The following STK32A variants were observed in gnomAD, a reference collection of about 807,000 sequenced individuals.
STK32A encodes serine/threonine kinase 32A, also known as serine/threonine-protein kinase 32A.
In STK32A, 41 loss-of-function variants were observed where a neutral mutation model predicts 53.2. The observed-to-expected ratio is 0.77, with a 90% CI of 0.60 to 1.00. STK32A has a LOEUF of 1.00. Among genes scored for constraint, STK32A ranks in the 50% least tolerant of loss-of-function variants. The pLI, the probability that STK32A is intolerant of heterozygous loss-of-function variation, is 0.00. For synonymous variants in STK32A, 166 were observed against 162.8 expected (o/e 1.02, Z -0.15); for missense variants, 458 against 485.8 (o/e 0.94, Z 0.54).
At chr5:147,282,323 G>A (rs974185051) in intron 4 of STK32A, among the ~76,000 whole-genome samples, 2 of 152,176 alleles carry the variant, frequency 1.3e-5, no homozygotes, top group Non-Finnish European at 2.9e-5. Flanking sequence ...ACCCCCACTG[G>A]AGAAGCTGAA....
intron 7 of STK32A, among the ~76,000 whole-genome samples, chr5:147,355,539 G>C (rs765462860): frequency 6.6e-6 from 1 of 151,932 alleles, no homozygotes; most frequent in East Asian, 1.9e-4. Context: ...TTAGCCGGGC[G>C]TGGTGGCAGG....
intron 2 of STK32A, among the ~76,000 whole-genome samples, chr5:147,262,787 G>C (rs574087062): frequency 5.3e-5 from 8 of 152,108 alleles, no homozygotes; most frequent in African/African-American, 9.7e-5. Context: ...AGGAGACAGA[G>C]AACTAGAAGC....
chr5:147,264,052 A>T (rs186532435), intron 2 of STK32A, among the ~76,000 whole-genome samples: 97 of 152,382 alleles, frequency 6.4e-4, no homozygotes, highest in Non-Finnish European at 1.6e-4. Flanking sequence ...TCTGAAGGAA[A>T]CAATTTCCAA....
intron 7 of STK32A, among the ~76,000 whole-genome samples, chr5:147,357,385 T>C (rs1475534943): frequency 6.6e-6 from 1 of 152,098 alleles, no homozygotes; most frequent in East Asian, 1.9e-4. Flanking sequence ...ACTTCTTTTG[T>C]CAATTGCCTG....
rs752209883 is a variant in STK32A, at chr5:147,361,516, G to A, written c.563-1G>A. On this transcript the variant is annotated splice_acceptor_variant, in intron 7 of 12. Transcript: ENST00000397936. LOFTEE classifies it high-confidence loss of function. ...CTGGTTTAATTTTTCGTGTTTTTCA[G>A]CACCTGAGATGTTCAGCTCCAGAAA... The A allele has an allele frequency of 1.9e-6, 3 of 1,609,800 alleles. No homozygotes were observed. The African/African-American group carries it at 4.0e-5, about 22-fold the overall frequency.
chr5:147,401,512 G>T, the STK32A span: 5 of 1,589,468 alleles, frequency 3.1e-6, no homozygotes, highest in Middle Eastern at 3.4e-4. Flanking sequence ...TTCACAAAAC[G>T]CCTGCTGCTG....
chr5:147,396,078 T>A, the STK32A span, among the ~76,000 whole-genome samples: 1 of 151,584 alleles, frequency 6.6e-6, no homozygotes, highest in Admixed American at 6.6e-5. Flanking sequence ...ACAGCTGAAG[T>A]GGGAGTGATT....
At chr5:147,399,099 C>G in the STK32A span, 2 of 1,614,060 alleles carry the variant, frequency 1.2e-6, no homozygotes, top group Non-Finnish European at 1.7e-6. Context: ...TGGTTCTTGG[C>G]AGAGACGATC....
chr5:147,401,555 T>A, the STK32A span: 1 of 1,612,456 alleles, frequency 6.2e-7, no homozygotes, highest in South Asian at 1.1e-5. Flanking sequence ...CAGCAAGGAG[T>A]TGATGTAGTC....
At chr5:147,267,440 A>T (rs1013832776) in intron 2 of STK32A, among the ~76,000 whole-genome samples, 1 of 152,168 alleles carries the variant, frequency 6.6e-6, no homozygotes, top group African/African-American at 2.4e-5. Context: ...GACCCTGGGT[A>T]ATTTAACTTT....
chr5:147,288,487 A>G (rs1291671474), intron 4 of STK32A, among the ~76,000 whole-genome samples: 2 of 152,140 alleles, frequency 1.3e-5, no homozygotes, highest in Non-Finnish European at 2.9e-5. Flanking sequence ...TAAAGAAAAG[A>G]AGTTTAAGTG....
chr5:147,364,317 C>T (rs1756651285), intron 8 of STK32A, among the ~76,000 whole-genome samples: 1 of 151,902 alleles, frequency 6.6e-6, no homozygotes, highest in South Asian at 2.1e-4. Flanking sequence ...TTCAGACAAG[C>T]TCCTTGCCAC....
chr5:147,344,256 C>T (rs745909809), intron 6 of STK32A, among the ~76,000 whole-genome samples: 8 of 152,198 alleles, frequency 5.3e-5, no homozygotes, highest in Non-Finnish European at 8.8e-5. Context: ...TTCCTGATCC[C>T]ACCTGTGCTC....
At position 147,323,981 on chromosome 5, in the gene STK32A, A is replaced by C; in HGVS notation, c.344A>C (p.Asn115Thr). The C allele has an allele frequency of 6.2e-7, 1 of 1,613,044 alleles. No homozygotes were observed. Among genetic ancestry groups the C allele is most frequent in the Non-Finnish European group, 8.5e-7 (1 of 1,179,580 alleles). The change falls in exon 5 of 13, where the codon AAC (asparagine) becomes ACC (threonine). Residue 115 changes from asparagine to threonine, a missense_variant. Transcript: ENST00000397936. Reference protein sequence around the residue: ...GGDLRYHLQQNVHFKEETVKL... With the variant: ...GGDLRYHLQQTVHFKEETVKL... ...GACCTGCGTTATCACCTGCAACAGAACGTCCACTTCAAGGAAGAAACAGTG... is the reference window on the plus strand; with the variant it reads ...GACCTGCGTTATCACCTGCAACAGACCGTCCACTTCAAGGAAGAAACAGTG...
At chr5:147,332,300 C>G (rs1754908711) in intron 5 of STK32A, among the ~76,000 whole-genome samples, 1 of 149,688 alleles carries the variant, frequency 6.7e-6, no homozygotes, top group Non-Finnish European at 1.5e-5. Context: ...ACTGTCTTTG[C>G]TTACTTTTGT....
At chr5:147,374,423 G>T (rs925462407) in intron 10 of STK32A, among the ~76,000 whole-genome samples, 1 of 152,102 alleles carries the variant, frequency 6.6e-6, no homozygotes, top group African/African-American at 2.4e-5. Context: ...TGAGAGAAAG[G>T]AGAAAGCAGG....
intron 4 of STK32A, among the ~76,000 whole-genome samples, chr5:147,279,873 C>T (rs1751969101): frequency 6.6e-6 from 1 of 152,022 alleles, no homozygotes; most frequent in African/African-American, 2.4e-5. Flanking sequence ...TGGAGAGGAC[C>T]CACAGACTCT....
At chr5:147,344,034 G>A (rs1755565657) in intron 6 of STK32A, among the ~76,000 whole-genome samples, 1 of 152,116 alleles carries the variant, frequency 6.6e-6, no homozygotes, top group Admixed American at 6.6e-5. Context: ...TAGAATATCA[G>A]GGAAGATCTG....
At chr5:147,285,558 A>C (rs2151958178) in intron 4 of STK32A, among the ~76,000 whole-genome samples, 1 of 152,338 alleles carries the variant, frequency 6.6e-6, no homozygotes, top group East Asian at 1.9e-4. Flanking sequence ...CAAAGGATGA[A>C]TATCCAGAAT....
Sources: gnomAD v4.1 joint callset for allele counts (sites outside exome capture counted in the v4.1 genomes callset) on GRCh38, gnomAD v4.1.1 for gene constraint, MANE v1.5 for transcripts, NCBI Gene and HGNC (gene_info 2026-07-23, HGNC 2026-07-21) for gene names.